The following DGKB variants were observed in gnomAD, a reference collection of about 807,000 sequenced individuals.
The protein encoded by DGKB is 90 kDa diacylglycerol kinase.
DGKB carries 67 observed loss-of-function variants against 114.3 expected under a neutral mutation model. The observed-to-expected ratio is 0.59, with a 90% CI of 0.48 to 0.72. DGKB has a LOEUF of 0.72. Ranked by LOEUF, DGKB falls within the 30% of genes least tolerant of loss-of-function variation. The pLI is 0.00. For synonymous variants in DGKB, 398 were observed against 323.1 expected, an observed-to-expected ratio of 1.23 and a Z score of -2.49; for missense variants, 907 against 975.2, an observed-to-expected ratio of 0.93 and a Z score of 0.93.
At chr7:14,280,987 C>T (rs1379064642) in intron 23 of DGKB, among the ~76,000 whole-genome samples, 1 of 151,292 alleles carries the variant, frequency 6.6e-6, no homozygotes, top group Non-Finnish European at 1.5e-5. Flanking sequence ...ATCATAATGA[C>T]AGCATCAAAT....
chr7:14,208,607 T>C (rs921842030), intron 23 of DGKB, among the ~76,000 whole-genome samples: 8 of 152,084 alleles, frequency 5.3e-5, no homozygotes, highest in African/African-American at 1.4e-4. Flanking sequence ...ACACATATAC[T>C]AGTATTTCTG....
intron 20 of DGKB, among the ~76,000 whole-genome samples, chr7:14,559,488 G>T (rs922017531): frequency 7.2e-5 from 11 of 152,118 alleles, no homozygotes; most frequent in African/African-American, 2.7e-4. Context: ...TATGCATTCA[G>T]GTTGGGCCTT....
At chr7:14,155,598 G>A (rs1001450854) in intron 25 of DGKB, among the ~76,000 whole-genome samples, 1 of 152,070 alleles carries the variant, frequency 6.6e-6, no homozygotes, top group African/African-American at 2.4e-5. Context: ...CAGAAGAGAA[G>A]TGAAATAGAC....
intron 1 of DGKB, among the ~76,000 whole-genome samples, chr7:14,942,084 C>T (rs1230595180): frequency 1.3e-5 from 2 of 151,940 alleles, no homozygotes; most frequent in South Asian, 4.1e-4. Flanking sequence ...TTTATTCAAT[C>T]CCTGCTTGTT....
At chr7:14,578,425 T>C (rs1226271529) in intron 19 of DGKB, among the ~76,000 whole-genome samples, 2 of 152,210 alleles carry the variant, frequency 1.3e-5, no homozygotes, top group African/African-American at 4.8e-5. Context: ...AATTGTTAAG[T>C]AACTTGCTCA....
intron 21 of DGKB, among the ~76,000 whole-genome samples, chr7:14,350,936 G>A (rs1372893531): frequency 6.6e-6 from 1 of 151,918 alleles, no homozygotes; most frequent in Admixed American, 6.6e-5. Context: ...CTTTTGTCCT[G>A]TTATTAAAAT....
intron 20 of DGKB, among the ~76,000 whole-genome samples, chr7:14,557,317 A>G (rs1796014704): frequency 6.6e-6 from 1 of 152,074 alleles, no homozygotes; most frequent in African/African-American, 2.4e-5. Context: ...TTATTTAAAT[A>G]TTTTCCATAG....
intron 20 of DGKB, among the ~76,000 whole-genome samples, chr7:14,545,902 A>G (rs1465106170): frequency 2.0e-5 from 3 of 152,244 alleles, no homozygotes; most frequent in Non-Finnish European, 4.4e-5. Flanking sequence ...AGGCCAGAGC[A>G]TCTGGACTTT....
intron 21 of DGKB, among the ~76,000 whole-genome samples, chr7:14,460,974 A>G (rs1360274416): frequency 6.6e-6 from 1 of 150,556 alleles, no homozygotes; most frequent in Non-Finnish European, 1.5e-5. Context: ...CTACAGGGAA[A>G]TTGAACAACC....
At chr7:14,876,914 C>G (rs1172228144) in intron 1 of DGKB, among the ~76,000 whole-genome samples, 2 of 152,116 alleles carry the variant, frequency 1.3e-5, no homozygotes, top group Non-Finnish European at 2.9e-5. Context: ...GTTTACTAAA[C>G]AAGATTAGCA....
At position 14,363,861 on chromosome 7, in the gene DGKB, T is replaced by A. The variant is rs567000772; in HGVS notation, c.1836-18470A>T. Among the ~76,000 whole-genome samples, 52 of 152,160 alleles carry A rather than the reference T, an allele frequency of 3.4e-4. 2 individuals are homozygous for A. The South Asian group carries it at 8.1e-3, about 24-fold the overall frequency. ...CTACACTCTTAGAGTGGAAACTAAG[T>A]AACCTAAATAAATCTAATAATGAAA... is the stretch of plus-strand genomic sequence containing the variant. On this transcript the variant is annotated intron_variant, in intron 21 of 25. Coordinates refer to ENST00000402815, the MANE Select transcript of DGKB (RefSeq NM_001350709.2).
In DGKB at chr7:14,227,500, C is replaced by T. The variant is rs1399104391; in HGVS notation, c.2123-49349G>A. On this transcript the variant is annotated intron_variant, in intron 23 of 25. Transcript: ENST00000402815. ...CCAAAAAGGATCTGCTAAAGTCAATCTACCAGGCATACAAGTGATCTAAAT... is the reference window on the plus strand; with the variant it reads ...CCAAAAAGGATCTGCTAAAGTCAATTTACCAGGCATACAAGTGATCTAAAT... Among the ~76,000 whole-genome samples the T allele has an allele frequency of 2.0e-5, 3 of 152,014 alleles. No homozygotes were observed. In the East Asian group the frequency reaches 5.8e-4, roughly 29 times the overall value.
chr7:14,865,694 C>T (rs1464590566), intron 1 of DGKB, among the ~76,000 whole-genome samples: 1 of 152,018 alleles, frequency 6.6e-6, no homozygotes, highest in East Asian at 1.9e-4. Flanking sequence ...GAGTAAATGC[C>T]AGAGTGGTAA....
At chr7:14,271,997 C>T (rs935661354) in intron 23 of DGKB, among the ~76,000 whole-genome samples, 5 of 152,194 alleles carry the variant, frequency 3.3e-5, no homozygotes, top group African/African-American at 7.2e-5. Context: ...CATGTTAGCA[C>T]TATATTTGCA....
chr7:14,468,264 T>C lies in DGKB; in HGVS notation c.1835+9897A>G, dbSNP rs577784570. 5.3e-5 allele frequency among the ~76,000 whole-genome samples: 8 copies of C among 152,034 alleles called. No homozygotes were observed. The South Asian group carries it at 1.7e-3, about 32-fold the overall frequency. ...TTGATATTGGTTAACGTCACAGGCT[T>C]ATTTCCAAAAGTAGACTGTCCATTG... is the stretch of plus-strand genomic sequence containing the variant. On this transcript the variant is annotated intron_variant, in intron 21 of 25. Coordinates refer to ENST00000402815, the MANE Select transcript of DGKB (RefSeq NM_001350709.2).
intron 1 of DGKB, among the ~76,000 whole-genome samples, chr7:14,876,121 C>G (rs1853246220): frequency 6.6e-6 from 1 of 152,132 alleles, no homozygotes; most frequent in East Asian, 1.9e-4. Flanking sequence ...GTGGAAGCAG[C>G]TTTCCATAAG....
chr7:14,755,321 A>T (rs1834710566), intron 3 of DGKB, among the ~76,000 whole-genome samples: 1 of 152,164 alleles, frequency 6.6e-6, no homozygotes, highest in African/African-American at 2.4e-5. Flanking sequence ...TTAAAACTTC[A>T]GTAATTCAAG....
At chr7:14,274,981 G>T (rs150574759) in intron 23 of DGKB, among the ~76,000 whole-genome samples, 1,717 of 151,740 alleles carry the variant, frequency 0.011, 13 homozygotes, top group Non-Finnish European at 0.019. Context: ...GTGTTTGTGT[G>T]TGCGTGTTAT....
At chr7:14,502,610 C>T (rs1397632100) in intron 20 of DGKB, among the ~76,000 whole-genome samples, 2 of 152,140 alleles carry the variant, frequency 1.3e-5, no homozygotes, top group East Asian at 3.9e-4. Flanking sequence ...ATTATGTTTA[C>T]AAGTTGGAGT....
Sources: allele counts gnomAD v4.1 joint callset (sites outside exome capture counted in the v4.1 genomes callset), GRCh38; gene constraint gnomAD v4.1.1; transcripts MANE v1.5; gene names NCBI Gene and HGNC (gene_info 2026-07-23, HGNC 2026-07-21).